The following PIK3R1 variants were observed in gnomAD, a reference collection of about 807,000 sequenced individuals.
The protein encoded by PIK3R1 is phosphoinositide-3-kinase regulatory subunit 1.
A neutral mutation model predicts 98.0 loss-of-function variants in PIK3R1; 29 were observed. The ratio of observed to expected loss-of-function variants is 0.30; its 90% CI spans 0.22 to 0.40. PIK3R1 has a LOEUF of 0.40. Ranked by LOEUF, PIK3R1 falls within the 10% of genes least tolerant of loss-of-function variation. PIK3R1 has a pLI of 1.00. For synonymous variants in PIK3R1, 282 were observed against 311.8 expected (o/e 0.90, Z 1.01); for missense variants, 596 against 872.7 (o/e 0.68, Z 3.99).
intron 2 of PIK3R1, among the ~76,000 whole-genome samples, chr5:68,255,591 C>T (rs1745477711): frequency 6.6e-6 from 1 of 152,154 alleles, no homozygotes; most frequent in African/African-American, 2.4e-5. Context: ...CTTAAGTTTG[C>T]TTTTCTGAGC....
chr5:68,283,939 A>G (rs1380493106), intron 7 of PIK3R1, among the ~76,000 whole-genome samples: 1 of 152,188 alleles, frequency 6.6e-6, no homozygotes, highest in Admixed American at 6.5e-5. Context: ...ATTAGCCCCC[A>G]TGGGTCACAT....
At chr5:68,262,098 C>G (rs1376846597) in intron 2 of PIK3R1, among the ~76,000 whole-genome samples, 3 of 152,042 alleles carry the variant, frequency 2.0e-5, no homozygotes, top group African/African-American at 4.8e-5. Context: ...TTATAGGAAG[C>G]CAACATTTTG....
chr5:68,262,672 G>T (rs62642456), intron 2 of PIK3R1, among the ~76,000 whole-genome samples: 344 of 24,016 alleles, frequency 0.014, 4 homozygotes, highest in Middle Eastern at 0.029. Flanking sequence ...TACACATGTA[G>T]ATACATGTAT....
chr5:68,224,506 C>CT (rs1163292806), intron 1 of PIK3R1, among the ~76,000 whole-genome samples: 1 of 152,180 alleles, frequency 6.6e-6, no homozygotes, highest in Non-Finnish European at 1.5e-5. Context: ...TGTATTACAG[C>CT]TAAGAGGCTT....
intron 2 of PIK3R1, among the ~76,000 whole-genome samples, chr5:68,266,116 C>T (rs927205015): frequency 6.6e-6 from 1 of 152,210 alleles, no homozygotes; most frequent in African/African-American, 2.4e-5. Flanking sequence ...TTTCTGGTCT[C>T]TAGTCTGCCA....
chr5:68,301,540 A>G lies in PIK3R1; in HGVS notation c.*3939A>G, dbSNP rs1748105505. The G allele has an allele frequency of 6.5e-6, 1 of 154,294 alleles. No individual in the cohort carries two copies. Among genetic ancestry groups the G allele is most frequent in the Admixed American group, 6.7e-5 (1 of 14,884 alleles). The allele number at this position is 154,294 out of a possible 1,614,324, so 9.6% of individuals were successfully genotyped here. ...AAAAAATCAAAACAAAAAAAAACTC[A>G]TTTATACCTGTGTATTTTTTAAAGC... is the stretch of plus-strand genomic sequence containing the variant. On this transcript the variant is annotated 3_prime_UTR_variant, in exon 16 of 16. Coordinates refer to ENST00000521381, the MANE Select transcript of PIK3R1 (RefSeq NM_181523.3).
intron 7 of PIK3R1, chr5:68,291,133 A>C (rs1425149120): frequency 3.6e-6 from 1 of 276,478 alleles, no homozygotes; most frequent in Non-Finnish European, 6.8e-6. Flanking sequence ...ATGTTGTGGG[A>C]TATTGTCCCT....
In PIK3R1 at chr5:68,279,679, C is replaced by G. The variant is rs781181630; in HGVS notation, c.580C>G (p.Pro194Ala). The G allele has an allele frequency of 5.0e-6, 8 of 1,614,144 alleles. No individual in the cohort carries two copies. The South Asian group carries it at 7.7e-5, about 16-fold the overall frequency. The part of the protein sequence containing the change: ...DAFKRYLLDL[P>A]NPVIPAAVYS... ...TTTCAAACGCTATCTCCTGGACTTA[C>G]CAAATCCTGTCATTCCAGCAGCCGT... is the stretch of plus-strand genomic sequence containing the variant. Residue 194 changes from proline (P) to alanine (A), a missense_variant, in exon 5 of 16, where the codon CCA (proline) becomes GCA (alanine). Coordinates refer to ENST00000521381, the MANE Select transcript of PIK3R1 (RefSeq NM_181523.3).
At chr5:68,222,521 C>T (rs140742748) in intron 1 of PIK3R1, among the ~76,000 whole-genome samples, 1 of 152,086 alleles carries the variant, frequency 6.6e-6, no homozygotes, top group Non-Finnish European at 1.5e-5. Context: ...AAGTGGGCAG[C>T]CTTCCAGAAG....
In PIK3R1 at chr5:68,293,488, T is replaced by TA; in HGVS notation, c.1299+10dup. The TA allele has an allele frequency of 6.3e-7, 1 of 1,593,544 alleles. No homozygotes were observed. Among genetic ancestry groups the TA allele is most frequent in the South Asian group, 1.1e-5 (1 of 89,906 alleles). The stretch of plus-strand genomic sequence containing the variant: ...CCAGTATCCAAATACCAACAGGTAA[T>TA]AAAAACTGAATGAATTATCCAGTTA... On this transcript the variant is annotated splice_donor_region_variant and intron_variant, in intron 10 of 15. Transcript: ENST00000521381.
At chr5:68,234,645 A>G (rs892651635) in intron 2 of PIK3R1, among the ~76,000 whole-genome samples, 2 of 152,244 alleles carry the variant, frequency 1.3e-5, no homozygotes, top group Admixed American at 1.3e-4. Context: ...TTTGAACAGT[A>G]TCTGTGCAGT....
At chr5:68,264,135 T>C (rs1414504958) in intron 2 of PIK3R1, among the ~76,000 whole-genome samples, 7 of 152,138 alleles carry the variant, frequency 4.6e-5, no homozygotes, top group Admixed American at 4.6e-4. Context: ...TATGAGAAAA[T>C]ATTTAATAAA....
At chr5:68,288,727 A>G (rs752193676) in intron 7 of PIK3R1, 4 of 1,612,562 alleles carry the variant, frequency 2.5e-6, no homozygotes, top group Non-Finnish European at 3.4e-6. Flanking sequence ...TCAAAGGGAA[A>G]CCGTTGAAAT....
intron 2 of PIK3R1, among the ~76,000 whole-genome samples, chr5:68,258,202 G>A (rs553981276): frequency 4.6e-5 from 7 of 152,208 alleles, no homozygotes; most frequent in Non-Finnish European, 8.8e-5. Context: ...TCCATAGCTC[G>A]TGGGGATGCT....
At chr5:68,254,484 A>G (rs1362806914) in intron 2 of PIK3R1, among the ~76,000 whole-genome samples, 2 of 152,252 alleles carry the variant, frequency 1.3e-5, no homozygotes, top group Non-Finnish European at 2.9e-5. Flanking sequence ...AGGAGAAATC[A>G]TATTAAGGTA....
In PIK3R1 at chr5:68,298,604, T is replaced by C. The variant is rs890823156; in HGVS notation, c.*1003T>C. The C allele has an allele frequency of 3.0e-5, 7 of 232,552 alleles. No individual in the cohort carries two copies. Among genetic ancestry groups the C allele is most frequent in the African/African-American group, 1.6e-4 (7 of 44,802 alleles). The allele number at this position is 232,552 out of a possible 1,614,324, so 14.4% of individuals were successfully genotyped here. A position where few individuals can be genotyped will look rare whatever the true frequency, so the allele number is the denominator to read the frequency against. ...AAAAATGGCTTCAGAATTAAAACTA[T>C]GAAATATTTTACAGTTTTTCTTGTA... On this transcript the variant is annotated 3_prime_UTR_variant, in exon 16 of 16. Coordinates refer to ENST00000521381, the MANE Select transcript of PIK3R1 (RefSeq NM_181523.3).
At chr5:68,288,489 C>T (rs1027951862) in intron 7 of PIK3R1, 38 of 1,311,852 alleles carry the variant, frequency 2.9e-5, no homozygotes, top group Admixed American at 4.2e-5. Context: ...GACGCACTGC[C>T]GGGCGGGGCG....
At position 68,297,830 on chromosome 5, in the gene PIK3R1, CTT is replaced by C; in HGVS notation, c.*235_*236del. ...GCTGGAGTGCTTATCCCTTCTTTTT[CTT>C]TTTTTCTTTGGTTTAATTTAAAGCC... On this transcript the variant is annotated 3_prime_UTR_variant, in exon 16 of 16. Transcript: ENST00000521381. 2.7e-6 allele frequency: 1 copy of C among 366,764 alleles called. No individual in the cohort carries two copies. Among genetic ancestry groups the C allele is most frequent in the Non-Finnish European group, 4.9e-6 (1 of 204,828 alleles). 22.7% of individuals were successfully genotyped at this position (366,764 alleles called of 1,614,324 possible).
intron 2 of PIK3R1, among the ~76,000 whole-genome samples, chr5:68,246,675 G>C (rs1745105041): frequency 6.6e-6 from 1 of 152,172 alleles, no homozygotes; most frequent in African/African-American, 2.4e-5. Flanking sequence ...CCAGGCTGGA[G>C]TGCAGTGGTG....
Sources: allele counts gnomAD v4.1 joint callset (sites outside exome capture counted in the v4.1 genomes callset), GRCh38; gene constraint gnomAD v4.1.1; transcripts MANE v1.5; gene names NCBI Gene and HGNC (gene_info 2026-07-23, HGNC 2026-07-21).